The following MTOR variants were observed in gnomAD, a reference collection of about 807,000 sequenced individuals.
MTOR encodes mechanistic target of rapamycin kinase, also known as serine/threonine-protein kinase mTOR.
Under a neutral mutation model 319.8 loss-of-function variants are expected in MTOR, and 70 were observed. The observed-to-expected ratio is 0.22, with a 90% CI of 0.18 to 0.27. The LOEUF (loss-of-function observed/expected upper bound fraction) is 0.27, where lower values mean the gene tolerates loss of function less well. MTOR is among the 10% of genes least tolerant of loss of function. The pLI is 1.00. For synonymous variants in MTOR, 1,183 were observed against 1,211.4 expected (o/e 0.98, Z 0.49); for missense variants, 1,890 against 3,274.4 (o/e 0.58, Z 10.32).
At position 11,129,986 on chromosome 1, in the gene MTOR, T is replaced by C. The variant is rs1380546140; in HGVS notation, c.5614-148A>G. 7.6e-6 allele frequency: 5 copies of C among 661,982 alleles called. No individual in the cohort carries two copies. The highest frequency in any genetic ancestry group is 2.6e-5 in the Admixed American group (1 of 38,268). 41.0% of individuals were successfully genotyped at this position (661,982 alleles called of 1,614,324 possible). A position where few individuals can be genotyped will look rare whatever the true frequency, so the allele number is the denominator to read the frequency against. ...GCATGAAAAATCTTTAATCATTACC[T>C]GGCACATAGCAAAGACTCAATAAAT... is the stretch of plus-strand genomic sequence containing the variant. On this transcript the variant is annotated intron_variant, in intron 39 of 57. Coordinates refer to ENST00000361445, the MANE Select transcript of MTOR (RefSeq NM_004958.4). The surrounding 1 kb of genome is among the most constrained non-coding windows in gnomAD (Gnocchi z 4.7).
chr1:11,238,042 T>C lies in MTOR; in HGVS notation c.2009A>G (p.Asp670Gly), dbSNP rs774359398. 2 of 1,614,202 alleles carry C rather than the reference T, an allele frequency of 1.2e-6. No homozygotes were observed. The highest frequency in any genetic ancestry group is 2.2e-5 in the South Asian group (2 of 91,088). The change falls in exon 13 of 58, where the codon GAC becomes GGC. Residue 670 changes from aspartate (D) to glycine (G), a missense_variant. Transcript: ENST00000361445. ...LVVGITDPDP[D>G]IRYCVLASLD... is the part of the protein sequence containing the mutation. The stretch of plus-strand genomic sequence containing the variant: ...GGACGCCAAGACACAGTAGCGAATG[T>C]CAGGGTCTGCAAGAGCAATGGAGCC...
intron 19 of MTOR, among the ~76,000 whole-genome samples, chr1:11,220,051 G>GAAAAAA (rs1646610783): frequency 2.3e-5 from 1 of 43,892 alleles, no homozygotes. Context: ...AAAAAGAAAA[G>GAAAAAA]AAAAGAAAAG....
At chr1:11,163,173 T>C (rs1644532765) in intron 29 of MTOR, among the ~76,000 whole-genome samples, 1 of 151,738 alleles carries the variant, frequency 6.6e-6, no homozygotes, top group South Asian at 2.1e-4. Context: ...CCAACAAAGA[T>C]CAAAAGAGAC....
chr1:11,145,603 C>T (rs1643904533), intron 32 of MTOR, among the ~76,000 whole-genome samples: 1 of 149,394 alleles, frequency 6.7e-6, no homozygotes, highest in East Asian at 2.0e-4. Context: ...TCAAGCGATT[C>T]TCTTGCCTCA....
chr1:11,162,704 G>T (rs868723935), intron 29 of MTOR, among the ~76,000 whole-genome samples: 2 of 152,140 alleles, frequency 1.3e-5, no homozygotes, highest in South Asian at 4.1e-4. Flanking sequence ...AGTGAAGGAG[G>T]AATAAAATAC....
chr1:11,203,127 C>T (rs1361909099), intron 26 of MTOR, among the ~76,000 whole-genome samples: 1 of 151,982 alleles, frequency 6.6e-6, no homozygotes, highest in Non-Finnish European at 1.5e-5. Context: ...GCAGGAGAAT[C>T]GCTTGAACCC....
In MTOR at chr1:11,107,093, TGA is replaced by T; in HGVS notation, c.*390_*391del. ...ACGACCTGAGGCTTCTTGGCTGTGCTGAGTTTGCTGTACCCATGTTGAGAGGA... is the reference window on the plus strand; with the variant it reads ...ACGACCTGAGGCTTCTTGGCTGTGCTGTTTGCTGTACCCATGTTGAGAGGA... On this transcript the variant is annotated 3_prime_UTR_variant, in exon 58 of 58. Coordinates refer to ENST00000361445, the MANE Select transcript of MTOR (RefSeq NM_004958.4). 1 of 1,374,310 alleles carries T rather than the reference TGA, an allele frequency of 7.3e-7. No homozygotes were observed. The highest frequency in any genetic ancestry group is 9.6e-7 in the Non-Finnish European group (1 of 1,041,398). The allele number at this position is 1,374,310 out of a possible 1,614,324, so 85.1% of individuals were successfully genotyped here.
intron 28 of MTOR, among the ~76,000 whole-genome samples, chr1:11,170,642 T>C (rs1644783017): frequency 6.6e-6 from 1 of 151,734 alleles, no homozygotes; most frequent in Non-Finnish European, 1.5e-5. Flanking sequence ...AATGGATTCT[T>C]GGGATGAAGG....
At chr1:11,158,548 G>GT (rs1438206207) in intron 29 of MTOR, among the ~76,000 whole-genome samples, 1 of 152,030 alleles carries the variant, frequency 6.6e-6, no homozygotes, top group African/African-American at 2.4e-5. Flanking sequence ...CAAAATGAGC[G>GT]TATCTGGCTC....
intron 28 of MTOR, among the ~76,000 whole-genome samples, chr1:11,170,954 A>G (rs1644793915): frequency 6.6e-6 from 1 of 151,720 alleles, no homozygotes; most frequent in South Asian, 2.1e-4. Context: ...GACATAAAAA[A>G]CTGAGGCCGA....
intron 19 of MTOR, among the ~76,000 whole-genome samples, chr1:11,227,177 A>G (rs1439331853): frequency 6.6e-6 from 1 of 151,450 alleles, no homozygotes; most frequent in Non-Finnish European, 1.5e-5. Context: ...GCACCCCTGT[A>G]ATCCCAGCTA....
At chr1:11,227,155 G>C (rs181196495) in intron 19 of MTOR, among the ~76,000 whole-genome samples, 2 of 151,410 alleles carry the variant, frequency 1.3e-5, no homozygotes, top group African/African-American at 4.9e-5. Context: ...AAAATTAGCC[G>C]GGCTTGGTGG....
chr1:11,125,057 C>T (rs1642754431), intron 46 of MTOR, among the ~76,000 whole-genome samples: 2 of 152,152 alleles, frequency 1.3e-5, no homozygotes, highest in Non-Finnish European at 1.5e-5. Context: ...TGTCCCCCAT[C>T]ACCAGCCTGG....
At chr1:11,227,107 G>C (rs531182726) in intron 19 of MTOR, among the ~76,000 whole-genome samples, 1 of 151,514 alleles carries the variant, frequency 6.6e-6, no homozygotes, top group African/African-American at 2.4e-5. Context: ...AGACCAGCCT[G>C]GCAAACATGG....
intron 28 of MTOR, among the ~76,000 whole-genome samples, chr1:11,187,789 A>C (rs1358729825): frequency 6.6e-6 from 1 of 152,218 alleles, no homozygotes; most frequent in Non-Finnish European, 1.5e-5. Flanking sequence ...TGTGGTGCCC[A>C]GCTGGGCTAG....
At chr1:11,217,960 T>C (rs921951849) in intron 19 of MTOR, among the ~76,000 whole-genome samples, 15 of 152,064 alleles carry the variant, frequency 9.9e-5, no homozygotes, top group African/African-American at 3.4e-4. Context: ...AGTTTGAACA[T>C]ATTCCCTAAT....
chr1:11,260,403 G>A (rs1458216443), intron 1 of MTOR, among the ~76,000 whole-genome samples: 5 of 152,064 alleles, frequency 3.3e-5, no homozygotes, highest in Admixed American at 6.6e-5. Flanking sequence ...TTAGCCAGGC[G>A]TGGCAGTGCG....
At chr1:11,194,547 C>T (rs1186345100) in intron 28 of MTOR, 1 of 1,614,174 alleles carries the variant, frequency 6.2e-7, no homozygotes, top group Non-Finnish European at 8.5e-7. Flanking sequence ...TCCTGGGGAA[C>T]TACACTGGCA....
At chr1:11,247,529 C>T (rs1311335316) in intron 8 of MTOR, 96 bp downstream of exon 8, 21 of 1,013,744 alleles carry the variant, frequency 2.1e-5, no homozygotes, top group African/African-American at 4.8e-5. Context: ...GATTTGTTGG[C>T]GTTGCTTCAA....
Sources: allele counts gnomAD v4.1 joint callset (sites outside exome capture counted in the v4.1 genomes callset), GRCh38; gene constraint gnomAD v4.1.1; non-coding constraint Gnocchi (gnomAD v3.1); transcripts MANE v1.5; gene names NCBI Gene and HGNC (gene_info 2026-07-23, HGNC 2026-07-21).